UBXN2A: variants seen among roughly 807,000 people sequenced by gnomAD.
The protein encoded by UBXN2A is UBX domain protein 2A.
In UBXN2A, 28 loss-of-function variants were observed where a neutral mutation model predicts 28.4. The observed-to-expected ratio is 0.99, with a 90% CI of 0.73 to 1.35. The LOEUF is 1.35. UBXN2A is among the 40% of genes most tolerant of loss of function. The pLI is 0.00. For missense variants in UBXN2A, 253 were observed against 297.9 expected (o/e 0.85, Z 1.11); for synonymous variants, 97 against 103.6 (o/e 0.94, Z 0.39).
upstream of UBXN2A, among the ~76,000 whole-genome samples, chr2:23,938,974 G>C (rs1705621609): frequency 6.6e-6 from 1 of 152,206 alleles, no homozygotes; most frequent in Non-Finnish European, 1.5e-5. Flanking sequence ...TGAGCAGTGA[G>C]ATTTGAACTC....
intron 1 of UBXN2A, among the ~76,000 whole-genome samples, chr2:23,942,741 G>A (rs942463339): frequency 1.3e-5 from 2 of 151,590 alleles, no homozygotes; most frequent in Non-Finnish European, 2.9e-5. Context: ...TTTAAGCAAT[G>A]TTAAGGATTT....
intron 4 of UBXN2A, among the ~76,000 whole-genome samples, chr2:23,977,759 A>G (rs1008304744): frequency 5.3e-5 from 8 of 152,204 alleles, no homozygotes; most frequent in African/African-American, 1.7e-4. Flanking sequence ...CACTCCCTAC[A>G]CATTCACAGA....
chr2:23,983,064 G>C lies in UBXN2A; in HGVS notation c.425+31G>C, dbSNP rs946367838. ...TATGCCTATTGTCTTGTTTTGCATA[G>C]ATCAAGGCTTAACTAATATTCTGTC... On this transcript the variant is annotated intron_variant, in intron 5 of 6. Transcript: ENST00000309033. 4.6e-6 allele frequency: 7 copies of C among 1,534,792 alleles called. No homozygotes were observed. The African/African-American group carries it at 6.9e-5, about 15-fold the overall frequency.
intron 2 of UBXN2A, among the ~76,000 whole-genome samples, chr2:23,966,642 G>T (rs553905577): frequency 6.8e-6 from 1 of 147,158 alleles, no homozygotes; most frequent in Non-Finnish European, 1.5e-5. Flanking sequence ...TAGTAGAGAC[G>T]GGGTTTCACC....
rs752136015 is a variant in UBXN2A, at chr2:23,984,781, C to G, written c.534C>G (p.Ile178Met). 1 of 1,564,248 alleles carries G rather than the reference C, an allele frequency of 6.4e-7. No individual in the cohort carries two copies. Among genetic ancestry groups the G allele is most frequent in the South Asian group, 1.2e-5 (1 of 81,232 alleles). Residue 178 changes from isoleucine to methionine, a missense_variant, in exon 6 of 7, where the codon ATC (isoleucine) becomes ATG (methionine). By Grantham distance (10) the Ile-to-Met change is conservative (BLOSUM62 1). Coordinates refer to ENST00000309033, the MANE Select transcript of UBXN2A (RefSeq NM_181713.4). The part of the protein sequence containing the change: ...NNLEPITNIQ[I>M]WLANGKRIVQ... ...TGGAACCCATTACTAATATACAGATCTGGTTGGCCAATGGAAAAAGGATTG... is the reference window on the plus strand; with the variant it reads ...TGGAACCCATTACTAATATACAGATGTGGTTGGCCAATGGAAAAAGGATTG...
chr2:23,999,170 A>G (rs1708652074), intron 6 of UBXN2A, among the ~76,000 whole-genome samples: 1 of 152,158 alleles, frequency 6.6e-6, no homozygotes, highest in South Asian at 2.1e-4. Context: ...ACATTTTAGC[A>G]TCTGTGAAAT....
chr2:23,960,691 G>A (rs185931251), intron 2 of UBXN2A, among the ~76,000 whole-genome samples: 7 of 152,136 alleles, frequency 4.6e-5, no homozygotes, highest in Admixed American at 2.6e-4. Context: ...GGAGTGCAAC[G>A]GCGTGATCTT....
exon 1 of UBXN2A, chr2:23,927,570 C>T (rs1244719210): frequency 7.0e-6 from 1 of 142,300 alleles, no homozygotes; most frequent in East Asian, 2.0e-4. Flanking sequence ...ATGAGAATGA[C>T]AGCTGTGATA....
intron 2 of UBXN2A, among the ~76,000 whole-genome samples, chr2:23,962,045 A>G (rs1251314972): frequency 6.6e-6 from 1 of 152,030 alleles, no homozygotes; most frequent in African/African-American, 2.4e-5. Context: ...GGGTTTCACC[A>G]TGTTGTCCAG....
At chr2:23,992,280 A>AT (rs34363413) in intron 6 of UBXN2A, among the ~76,000 whole-genome samples, 1 of 152,102 alleles carries the variant, frequency 6.6e-6, no homozygotes, top group South Asian at 2.1e-4. Flanking sequence ...TAATTTTGGT[A>AT]TTTTTAGTAG....
chr2:23,951,512 G>C (rs924432324), intron 1 of UBXN2A, among the ~76,000 whole-genome samples: 1 of 148,600 alleles, frequency 6.7e-6, no homozygotes, highest in Admixed American at 6.7e-5. Context: ...CCAGGCTGAA[G>C]TGCAGTGGTG....
intron 1 of UBXN2A, among the ~76,000 whole-genome samples, chr2:23,932,545 C>T (rs1458955206): frequency 2.8e-5 from 4 of 142,222 alleles, no homozygotes; most frequent in Admixed American, 1.4e-4. Flanking sequence ...GAGTGGGGAG[C>T]GGTGGGTGGG....
At chr2:23,938,772 AGAATT>A (rs1416926907), upstream of UBXN2A, among the ~76,000 whole-genome samples, 1 of 152,222 alleles carries the variant, frequency 6.6e-6, no homozygotes, top group Admixed American at 6.5e-5. Flanking sequence ...TCAATGGAAT[AGAATT>A]GAGAGTACAG....
intron 1 of UBXN2A, among the ~76,000 whole-genome samples, chr2:23,931,811 G>T (rs1354478218): frequency 6.6e-6 from 1 of 152,096 alleles, no homozygotes; most frequent in East Asian, 1.9e-4. Context: ...AGGAATTCAG[G>T]ACCAGCCTGA....
chr2:23,966,741 G>C (rs185116444), intron 2 of UBXN2A, among the ~76,000 whole-genome samples: 2 of 140,878 alleles, frequency 1.4e-5, no homozygotes, highest in Non-Finnish European at 3.0e-5. Context: ...GTGAGCCACC[G>C]CGCCCGGCCT....
At chr2:23,995,316 G>A (rs778152531) in intron 6 of UBXN2A, among the ~76,000 whole-genome samples, 5 of 151,904 alleles carry the variant, frequency 3.3e-5, no homozygotes, top group Non-Finnish European at 7.4e-5. Flanking sequence ...CCTTCCTACA[G>A]GGCTCTCAGA....
At chr2:23,929,970 C>T (rs1705320207) in intron 1 of UBXN2A, among the ~76,000 whole-genome samples, 1 of 152,108 alleles carries the variant, frequency 6.6e-6, no homozygotes, top group Non-Finnish European at 1.5e-5. Flanking sequence ...CTCACTGCAA[C>T]CTCCGCCTCC....
chr2:23,997,679 C>A (rs753223854), intron 6 of UBXN2A, among the ~76,000 whole-genome samples: 2 of 152,014 alleles, frequency 1.3e-5, no homozygotes, highest in African/African-American at 4.8e-5. Flanking sequence ...GTCTCTTGAT[C>A]TCGTGATCTG....
chr2:24,001,820 G>T lies in UBXN2A; in HGVS notation c.*1953G>T, dbSNP rs1219999569. On this transcript the variant is annotated 3_prime_UTR_variant, in exon 7 of 7. Coordinates refer to ENST00000309033, the MANE Select transcript of UBXN2A (RefSeq NM_181713.4). ...TAAAAATACAAAAAAAATTAGCTGG[G>T]TGTGGTGGCATGCGCCTGTAGTCCC... The T allele has an allele frequency of 6.6e-6, 1 of 152,036 alleles. No individual in the cohort carries two copies. The highest frequency in any genetic ancestry group is 6.6e-5 in the Admixed American group (1 of 15,242). The allele number at this position is 152,036 out of a possible 1,614,324, so 9.4% of individuals were successfully genotyped here.
Sources: allele counts gnomAD v4.1 joint callset (sites outside exome capture counted in the v4.1 genomes callset), GRCh38; gene constraint gnomAD v4.1.1; transcripts MANE v1.5; gene names NCBI Gene and HGNC (gene_info 2026-07-23, HGNC 2026-07-21).